CAGE1: variants seen among roughly 807,000 people sequenced by gnomAD.
CAGE1 encodes the protein cancer-associated gene 1 protein.
Under a neutral mutation model 94.9 loss-of-function variants are expected in CAGE1, and 66 were observed. The observed-to-expected ratio is 0.70, with a 90% CI of 0.57 to 0.85. CAGE1 has a LOEUF of 0.85. Ranked by LOEUF, CAGE1 falls within the 40% of genes least tolerant of loss-of-function variation. The pLI is 0.00. For synonymous variants in CAGE1, 319 were observed against 321.0 expected, an observed-to-expected ratio of 0.99 and a Z score of 0.07; for missense variants, 865 against 950.4, an observed-to-expected ratio of 0.91 and a Z score of 1.18.
At chr6:7,387,921 C>T (rs1434548320) in intron 1 of CAGE1, among the ~76,000 whole-genome samples, 1 of 149,790 alleles carries the variant, frequency 6.7e-6, no homozygotes, top group Non-Finnish European at 1.5e-5. Context: ...GTAGTCCCAG[C>T]TACTCTGGAG....
At chr6:7,376,357 G>A (rs1760742112) in intron 4 of CAGE1, among the ~76,000 whole-genome samples, 1 of 151,452 alleles carries the variant, frequency 6.6e-6, no homozygotes, top group Non-Finnish European at 1.5e-5. Context: ...CCACTGCACT[G>A]CAGCCTGGGC....
Position 7,378,824 on chromosome 6 carries a change from T to C in CAGE1, c.480A>G (p.Ser160=). ...YAKDNNIKQD[S]FKEENPMETS... ...TTTCCATTGGATTTTCTTCCTTAAA[T>C]GAGTCTTGCTTTATATTGTTGTCTT... Residue 160 remains serine (S), a synonymous_variant, in exon 4 of 14, where the codon TCA becomes TCG. Coordinates refer to ENST00000502583, the MANE Select transcript of CAGE1 (RefSeq NM_001170692.2). 6.2e-7 allele frequency: 1 copy of C among 1,613,502 alleles called. No individual in the cohort carries two copies. Among genetic ancestry groups the C allele is most frequent in the East Asian group, 2.2e-5 (1 of 44,882 alleles).
chr6:7,348,613 T>C (rs1010028379), intron 11 of CAGE1, among the ~76,000 whole-genome samples: 6 of 151,948 alleles, frequency 3.9e-5, no homozygotes, highest in African/African-American at 1.5e-4. Context: ...GTTATTAAGC[T>C]AATCAGGGAG....
chr6:7,345,650 C>T (rs959250791), intron 11 of CAGE1, among the ~76,000 whole-genome samples: 19 of 152,120 alleles, frequency 1.2e-4, no homozygotes, highest in East Asian at 3.9e-4. Context: ...ATTACAGGCC[C>T]GGCGCAGTGG....
In CAGE1 at chr6:7,351,433, C is replaced by T. The variant is rs189009802; in HGVS notation, c.2369+3608G>A. Among the ~76,000 whole-genome samples, 323 of 151,910 alleles carry T rather than the reference C, an allele frequency of 2.1e-3. 2 individuals are homozygous for T. Among genetic ancestry groups the T allele is most frequent in the African/African-American group, 7.2e-3 (297 of 41,436 alleles). Reference sequence around the variant, plus strand: ...ACAAGGTAGAGAAAGAGAAAACCCTCCATAATTCATTCTATGAAGCCAGCA... The same window carrying T: ...ACAAGGTAGAGAAAGAGAAAACCCTTCATAATTCATTCTATGAAGCCAGCA... On this transcript the variant is annotated intron_variant, in intron 11 of 13. Coordinates refer to ENST00000502583, the MANE Select transcript of CAGE1 (RefSeq NM_001170692.2).
intron 9 of CAGE1, among the ~76,000 whole-genome samples, chr6:7,359,866 T>G (rs576314204): frequency 2.0e-5 from 3 of 152,334 alleles, no homozygotes; most frequent in Admixed American, 6.5e-5. Context: ...TGCAACAAAT[T>G]ACCACAAACT....
At chr6:7,374,221 T>A in intron 4 of CAGE1, 90 bp from the exon 5 acceptor site, 1 of 1,027,032 alleles carries the variant, frequency 9.7e-7, no homozygotes, top group Non-Finnish European at 1.4e-6. Context: ...ATTCTATTAG[T>A]AGATCCCCTG....
At chr6:7,354,998 T>C (rs761850627) in intron 11 of CAGE1, 43 bp downstream of exon 11, 2 of 1,328,784 alleles carry the variant, frequency 1.5e-6, no homozygotes, top group Non-Finnish European at 1.1e-6. Flanking sequence ...AATAAGGTAT[T>C]AGTAAATATT....
At chr6:7,375,013 G>A (rs563880137) in intron 4 of CAGE1, among the ~76,000 whole-genome samples, 10 of 152,164 alleles carry the variant, frequency 6.6e-5, no homozygotes, top group East Asian at 1.9e-4. Context: ...CAGCCTGGGC[G>A]ATAGAGCGAG....
At chr6:7,368,087 A>G (rs1760412027) in intron 7 of CAGE1, among the ~76,000 whole-genome samples, 1 of 151,976 alleles carries the variant, frequency 6.6e-6, no homozygotes, top group Non-Finnish European at 1.5e-5. Context: ...CCCCGTCTCT[A>G]CTAAAAATAC....
At chr6:7,331,331 A>G in intron 12 of CAGE1, 1 of 1,054,214 alleles carries the variant, frequency 9.5e-7, no homozygotes. Flanking sequence ...AACAAAAGAG[A>G]CCCGTAAGTC....
rs765747489 is a variant in CAGE1 at position 7,373,472 on chromosome 6, T to C, written c.1347A>G (p.Glu449=). ...LEMDKTLSKK[E]EEVERLQQLK... ...GTTGTTGTAGTCTCTCTACCTCTTC[T>C]TCTTTCTTGCTTAAGGTTTTGTCCA... The change falls in exon 5 of 14, where the codon GAA becomes GAG. Residue 449 remains glutamate (E), a synonymous_variant. Coordinates refer to ENST00000502583, the MANE Select transcript of CAGE1 (RefSeq NM_001170692.2). 8.1e-6 allele frequency: 13 copies of C among 1,613,826 alleles called. No homozygotes were observed. Among genetic ancestry groups the C allele is most frequent in the African/African-American group, 4.0e-5 (3 of 74,942 alleles).
At chr6:7,384,939 C>G (rs1219977252) in intron 3 of CAGE1, among the ~76,000 whole-genome samples, 2 of 152,158 alleles carry the variant, frequency 1.3e-5, no homozygotes, top group Non-Finnish European at 2.9e-5. Context: ...CTCAAGCAAT[C>G]CTTCTGCCTT....
intron 11 of CAGE1, chr6:7,342,129 T>G (rs1759201496): frequency 9.9e-7 from 1 of 1,010,634 alleles, no homozygotes; most frequent in African/African-American, 1.6e-5. Context: ...TGAAGGCAGC[T>G]TCACAATCAC....
rs1391439465 is a variant in CAGE1 at position 7,339,468 on chromosome 6, T to C, written c.2370-5378A>G. The C allele has an allele frequency of 3.3e-5, 34 of 1,018,278 alleles. No individual in the cohort carries two copies. Among genetic ancestry groups the C allele is most frequent in the Non-Finnish European group, 5.2e-5 (33 of 637,214 alleles). 63.1% of individuals were successfully genotyped at this position (1,018,278 alleles called of 1,614,324 possible). A position where few individuals can be genotyped will look rare whatever the true frequency, so the allele number is the denominator to read the frequency against. On this transcript the variant is annotated intron_variant, in intron 11 of 13. Coordinates refer to ENST00000502583, the MANE Select transcript of CAGE1 (RefSeq NM_001170692.2). The surrounding 1 kb of genome is among the most constrained non-coding windows in gnomAD (Gnocchi z 4.7). Reference sequence around the variant, plus strand: ...TGTAACTCGCATCTCAACTCCAGAGTAGCCATCTTCAGCCAGCTCCTGAGT... The same window carrying C: ...TGTAACTCGCATCTCAACTCCAGAGCAGCCATCTTCAGCCAGCTCCTGAGT...
At chr6:7,361,791 C>T (rs1000612944) in intron 9 of CAGE1, among the ~76,000 whole-genome samples, 9 of 152,168 alleles carry the variant, frequency 5.9e-5, no homozygotes, top group African/African-American at 1.7e-4. Context: ...CTTGAGAGAA[C>T]AAGAAAACAG....
chr6:7,370,100 G>C, intron 5 of CAGE1, 35 bp from the exon 6 acceptor site: 1 of 1,494,276 alleles, frequency 6.7e-7, no homozygotes. Flanking sequence ...TCAAAATAAT[G>C]ATGAAGAACC....
At position 7,365,572 on chromosome 6, in the gene CAGE1, T is replaced by C. The variant is rs1412339685; in HGVS notation, c.2089A>G (p.Ile697Val). 1 of 1,608,128 alleles carries C rather than the reference T, an allele frequency of 6.2e-7. No individual in the cohort carries two copies. Among genetic ancestry groups the C allele is most frequent in the Non-Finnish European group, 8.5e-7 (1 of 1,175,636 alleles). Reference sequence around the variant, plus strand: ...TTGGCTTCATCTGAATCACAGTCTATGACCTGAGATTAAATATATTTGTTC... The same window carrying C: ...TTGGCTTCATCTGAATCACAGTCTACGACCTGAGATTAAATATATTTGTTC... ...KAFQDHAIKV[I>V]DCDSDEAKSI... Residue 697 changes from isoleucine (I) to valine (V), a missense_variant, in exon 9 of 14, where the codon ATA (isoleucine) becomes GTA (valine). By Grantham distance (29) the Ile-to-Val change is conservative. Transcript: ENST00000502583.
At position 7,362,975 on chromosome 6, in the gene CAGE1, A is replaced by G. The variant is rs937419847; in HGVS notation, c.2193+2493T>C. Among the ~76,000 whole-genome samples, 2 of 152,166 alleles carry G rather than the reference A, an allele frequency of 1.3e-5. No individual in the cohort carries two copies. Among genetic ancestry groups the G allele is most frequent in the Non-Finnish European group, 2.9e-5 (2 of 68,040 alleles). On this transcript the variant is annotated intron_variant, in intron 9 of 13. Transcript: ENST00000502583. The surrounding 1 kb of genome is among the most constrained non-coding windows in gnomAD (Gnocchi z 4.1). ...TCATAAATACTTTTCAAAATGTAATACTAACAGGCTGGGCATGGTGGCTCA... is the reference window on the plus strand; with the variant it reads ...TCATAAATACTTTTCAAAATGTAATGCTAACAGGCTGGGCATGGTGGCTCA...
Sources: gnomAD v4.1 joint callset for allele counts (sites outside exome capture counted in the v4.1 genomes callset) on GRCh38, gnomAD v4.1.1 for gene constraint, Gnocchi (gnomAD v3.1) non-coding constraint, MANE v1.5 for transcripts, NCBI Gene and HGNC (gene_info 2026-07-23, HGNC 2026-07-21) for gene names.